Variants in MAGED1 observed in about 807,000 individuals in gnomAD.
The protein encoded by MAGED1 is melanoma-associated antigen D1.
In MAGED1, 3 loss-of-function variants were observed where a neutral mutation model predicts 54.1. The ratio of observed to expected loss-of-function variants is 0.06; its 90% confidence interval spans 0.03 to 0.14. The LOEUF is 0.14. Among genes scored for constraint, MAGED1 ranks in the 10% least tolerant of loss-of-function variants. The pLI is 1.00. For synonymous variants in MAGED1, 217 were observed against 227.3 expected (o/e 0.95, Z 0.41); for missense variants, 485 against 623.4 (o/e 0.78, Z 2.36).
chrX:51,893,832 C>T (rs1008642712), intron 1 of MAGED1, 77 bp downstream of exon 1: 6 of 114,065 alleles, frequency 5.3e-5, no homozygotes, highest in African/African-American at 2.0e-4. Flanking sequence ...TCCCTTCACC[C>T]TGGATTCTGA....
chrX:51,809,416 C>G (rs1188003156), intron 1 of MAGED1, among the ~76,000 whole-genome samples: 4 of 111,808 alleles, frequency 3.6e-5, no homozygotes, highest in Non-Finnish European at 7.5e-5. Context: ...CCGCGCCCGG[C>G]CCCTTAGTCT....
At chrX:51,884,917 A>G (rs951852714) in intron 1 of MAGED1, among the ~76,000 whole-genome samples, 20 of 112,186 alleles carry the variant, frequency 1.8e-4, no homozygotes, top group South Asian at 7.4e-4. Flanking sequence ...CCAACAGTTC[A>G]TTTTTGCTAA....
intron 1 of MAGED1, among the ~76,000 whole-genome samples, chrX:51,806,883 G>A (rs976571443): frequency 9.1e-6 from 1 of 110,221 alleles, no homozygotes; most frequent in African/African-American, 3.3e-5. Context: ...CGCCTCCCGG[G>A]TTCAAGTGAT....
chrX:51,810,695 A>G (rs1207857961), intron 1 of MAGED1, among the ~76,000 whole-genome samples: 1 of 111,848 alleles, frequency 8.9e-6, no homozygotes, highest in Non-Finnish European at 1.9e-5. Flanking sequence ...CTATAGGAGC[A>G]CAGAGAGGAC....
chrX:51,807,039 C>CA (rs2146946197), intron 1 of MAGED1, among the ~76,000 whole-genome samples: 1 of 111,287 alleles, frequency 9.0e-6, no homozygotes, highest in African/African-American at 3.3e-5. Context: ...CTCCAGCCTC[C>CA]ACCTCCCAAA....
At position 51,844,118 on chromosome X, in the gene MAGED1, C is replaced by T. The variant is rs1926601229; in HGVS notation, c.-37+41001C>T. On this transcript the variant is annotated intron_variant, in intron 1 of 12. Transcript: ENST00000375772. ...AGGAAATAAGGAACATTTTATTGCT[C>T]CTCTCTTAGATATGAGCCAGCATGT... Among the ~76,000 whole-genome samples the T allele has an allele frequency of 3.6e-5, 4 of 111,613 alleles. No homozygotes were observed. In the Admixed American group the frequency reaches 3.8e-4, roughly 11 times the overall value.
intron 1 of MAGED1, among the ~76,000 whole-genome samples, chrX:51,873,839 A>G (rs1557361824): frequency 1.8e-5 from 2 of 110,694 alleles, no homozygotes; most frequent in African/African-American, 6.6e-5. Flanking sequence ...TTCAGGTAGA[A>G]AGAATGAGGA....
At chrX:51,858,236 A>C (rs782497153) in intron 1 of MAGED1, among the ~76,000 whole-genome samples, 37 of 112,141 alleles carry the variant, frequency 3.3e-4, no homozygotes, top group Non-Finnish European at 4.3e-4. Flanking sequence ...CCCCAAGATC[A>C]CATACTAGTC....
At chrX:51,829,483 A>AT (rs1305681618) in intron 1 of MAGED1, among the ~76,000 whole-genome samples, 1 of 110,762 alleles carries the variant, frequency 9.0e-6, no homozygotes, top group Non-Finnish European at 1.9e-5. Context: ...CAAACCATTA[A>AT]TTTTTTATAG....
intron 1 of MAGED1, 30 bp from the exon 2 acceptor site, chrX:51,894,239 G>A: frequency 3.2e-6 from 3 of 927,707 alleles, no homozygotes; most frequent in Non-Finnish European, 4.6e-6. Context: ...TTTGCCCTCT[G>A]TAGTATAACG....
Position 51,896,684 on chromosome X carries a change from TTGGCCAAACCCAGTAATC to T in MAGED1, c.1034_1051del (p.Pro345_Trp350del). On this transcript the variant is annotated inframe_deletion, in exon 4 of 13. Coordinates refer to ENST00000326587, the MANE Select transcript of MAGED1 (RefSeq NM_006986.4). ...CAGTCGCTTGGCAGAACCCAGTGAT[TTGGCCAAACCCAGTAATC>T]TGGCAGAACCCAGTGATCTGGCCAA... is the stretch of plus-strand genomic sequence containing the variant. 3.3e-6 allele frequency: 4 copies of T among 1,211,628 alleles called. No homozygotes were observed. Among genetic ancestry groups the T allele is most frequent in the Non-Finnish European group, 4.5e-6 (4 of 895,458 alleles).
chrX:51,894,743 G>A (rs782064724), intron 2 of MAGED1: 2 of 1,143,722 alleles, frequency 1.7e-6, no homozygotes, highest in African/African-American at 2.0e-5. Context: ...TCCGCGATCC[G>A]CCTGCCGTCC....
intron 1 of MAGED1, among the ~76,000 whole-genome samples, chrX:51,877,202 A>T: frequency 9.0e-6 from 1 of 111,231 alleles, no homozygotes; most frequent in East Asian, 2.8e-4. Context: ...CATTTGCAAC[A>T]AGTGTGACAG....
chrX:51,842,404 A>G (rs1247099487), intron 1 of MAGED1, among the ~76,000 whole-genome samples: 2 of 111,507 alleles, frequency 1.8e-5, no homozygotes, highest in Non-Finnish European at 1.9e-5. Context: ...CACCTTCTAC[A>G]TGTAGTATAC....
intron 1 of MAGED1, among the ~76,000 whole-genome samples, chrX:51,887,758 T>C: frequency 9.1e-6 from 1 of 109,735 alleles, no homozygotes; most frequent in African/African-American, 3.3e-5. Flanking sequence ...CATAAAACTT[T>C]TAGAAGATAT....
chrX:51,837,744 G>A (rs1339479210), intron 1 of MAGED1, among the ~76,000 whole-genome samples: 2 of 112,249 alleles, frequency 1.8e-5, no homozygotes, highest in Non-Finnish European at 3.8e-5. Context: ...ATGAGAGACG[G>A]TGAGGTTAAA....
chrX:51,815,329 A>T (rs191730933), intron 1 of MAGED1, among the ~76,000 whole-genome samples: 1 of 110,860 alleles, frequency 9.0e-6, no homozygotes, highest in Admixed American at 9.6e-5. Context: ...CATGTGTGTT[A>T]TTGCCCCTGA....
chrX:51,839,724 C>T (rs141356965), intron 1 of MAGED1, among the ~76,000 whole-genome samples: 142 of 111,921 alleles, frequency 1.3e-3, no homozygotes, highest in African/African-American at 4.5e-3. Flanking sequence ...ATTATAAAAC[C>T]AATTCCATGA....
chrX:51,883,727 A>G (rs1489053212), intron 1 of MAGED1, among the ~76,000 whole-genome samples: 6 of 112,015 alleles, frequency 5.4e-5, no homozygotes, highest in Admixed American at 4.7e-4. Flanking sequence ...AATTGTGAAC[A>G]TGCTTAGAAC....
Sources: allele counts gnomAD v4.1 joint callset (sites outside exome capture counted in the v4.1 genomes callset), GRCh38; gene constraint gnomAD v4.1.1; transcripts MANE v1.5; gene names NCBI Gene and HGNC (gene_info 2026-07-23, HGNC 2026-07-21).